Variants in TNKS observed in about 807,000 individuals in gnomAD.
The protein encoded by TNKS is poly [ADP-ribose] polymerase tankyrase-1.
In TNKS, 72 loss-of-function variants were observed where a neutral mutation model predicts 135.8. The ratio of observed to expected loss-of-function variants is 0.53; its 90% CI spans 0.44 to 0.64. The LOEUF is 0.64. Among genes scored for constraint, TNKS ranks in the 30% least tolerant of loss-of-function variants. TNKS has a pLI of 0.00. For missense variants in TNKS, 1,769 were observed against 1,674.0 expected, an observed-to-expected ratio of 1.06 and a Z score of -0.99; for synonymous variants, 849 against 649.3, an observed-to-expected ratio of 1.31 and a Z score of -4.68.
At chr8:9,703,054 T>C (rs752895493) in intron 5 of TNKS, among the ~76,000 whole-genome samples, 3 of 152,098 alleles carry the variant, frequency 2.0e-5, no homozygotes, top group African/African-American at 7.2e-5. Context: ...AATGTGTTTC[T>C]GTATGGGTGA....
rs1365970694 is a variant in TNKS at position 9,747,063 on chromosome 8, G to C, written c.2644-961G>C. Among the ~76,000 whole-genome samples the C allele has an allele frequency of 2.0e-5, 3 of 151,174 alleles. No homozygotes were observed. In the East Asian group the frequency reaches 5.9e-4, roughly 30 times the overall value. The stretch of plus-strand genomic sequence containing the variant: ...ATGCCCAGCTAATTTTTGTATTTTT[G>C]GTAGGGACGGGGTTTCACTATGTTG... On this transcript the variant is annotated intron_variant, in intron 17 of 26. Transcript: ENST00000310430.
intron 20 of TNKS, 52 bp downstream of exon 20, chr8:9,752,678 G>C (rs771007726): frequency 1.6e-6 from 2 of 1,262,142 alleles, no homozygotes; most frequent in African/African-American, 1.5e-5. Context: ...CTAAGATTAG[G>C]CTGGATGCAG....
chr8:9,706,487 C>T lies in TNKS; in HGVS notation c.1269+234C>T, dbSNP rs1367396799. Among the ~76,000 whole-genome samples, 5 of 152,168 alleles carry T rather than the reference C, an allele frequency of 3.3e-5. No homozygotes were observed. In the East Asian group the frequency reaches 9.6e-4, roughly 29 times the overall value. ...CAAGTGATCCTCCCCCTCAGCCTCC[C>T]CAGTAGCTGGGATTACAGGGGTGTG... On this transcript the variant is annotated intron_variant, in intron 7 of 26. Transcript: ENST00000310430.
At chr8:9,720,333 C>A in intron 11 of TNKS, 41 bp from the exon 12 acceptor site, 1 of 1,497,384 alleles carries the variant, frequency 6.7e-7, no homozygotes. Flanking sequence ...GGAAACTAAA[C>A]AAGATGCTCA....
chr8:9,710,348 A>G (rs1264659746), intron 11 of TNKS, 128 bp downstream of exon 11: 2 of 787,760 alleles, frequency 2.5e-6, no homozygotes, highest in Non-Finnish European at 4.3e-6. Flanking sequence ...TCGTACTTAA[A>G]TTCATGGATT....
chr8:9,745,449 G>T (rs1412010890), intron 17 of TNKS, among the ~76,000 whole-genome samples: 1 of 152,056 alleles, frequency 6.6e-6, no homozygotes, highest in Non-Finnish European at 1.5e-5. Context: ...TCTTCACCCA[G>T]GCTGGAAAGC....
In TNKS at chr8:9,615,611, A is replaced by T. The variant is rs1378479695; in HGVS notation, c.928A>T (p.Ile310Phe). 3 of 1,613,712 alleles carry T rather than the reference A, an allele frequency of 1.9e-6. No homozygotes were observed. In the South Asian group the frequency reaches 3.3e-5, roughly 18 times the overall value. The stretch of plus-strand genomic sequence containing the variant: ...GCTGCAGCACGGAGCTGACCCAAAC[A>T]TTCGGAACACTGATGGGAAATCAGC... ...VLLQHGADPN[I>F]RNTDGKSALD... The change falls in exon 3 of 27, where the codon ATT becomes TTT. Residue 310 changes from isoleucine (I) to phenylalanine (F), a missense_variant. Coordinates refer to ENST00000310430, the MANE Select transcript of TNKS (RefSeq NM_003747.3).
intron 24 of TNKS, 90 bp from the exon 25 acceptor site, chr8:9,766,149 A>T: frequency 8.9e-7 from 1 of 1,119,758 alleles, no homozygotes; most frequent in Non-Finnish European, 1.3e-6. Flanking sequence ...TCATTTCTTA[A>T]TATTAACCTG....
chr8:9,730,315 A>C (rs1180156534), intron 13 of TNKS, among the ~76,000 whole-genome samples: 1 of 152,168 alleles, frequency 6.6e-6, no homozygotes, highest in Admixed American at 6.6e-5. Flanking sequence ...TATGATTAAA[A>C]ACCAGTTTAA....
intron 11 of TNKS, among the ~76,000 whole-genome samples, chr8:9,718,575 A>T (rs940712392): frequency 6.6e-6 from 1 of 152,088 alleles, no homozygotes; most frequent in African/African-American, 2.4e-5. Flanking sequence ...TTGTGATTTT[A>T]TATAGTTTTA....
intron 11 of TNKS, among the ~76,000 whole-genome samples, chr8:9,719,513 T>C (rs1452018222): frequency 6.6e-6 from 1 of 152,190 alleles, no homozygotes; most frequent in Admixed American, 6.5e-5. Context: ...TAAATTGACA[T>C]AGATGTTCAG....
chr8:9,666,789 C>T (rs1167854362), intron 3 of TNKS, among the ~76,000 whole-genome samples: 1 of 151,820 alleles, frequency 6.6e-6, no homozygotes, highest in Admixed American at 6.6e-5. Context: ...TGTCCCTGCA[C>T]ATCTCAGTAG....
chr8:9,718,552 G>A (rs1046823330), intron 11 of TNKS, among the ~76,000 whole-genome samples: 2 of 151,988 alleles, frequency 1.3e-5, no homozygotes, highest in South Asian at 2.1e-4. Flanking sequence ...TAAATATTTC[G>A]GGCCAAGTGT....
At chr8:9,713,279 C>G (rs1047617434) in intron 11 of TNKS, among the ~76,000 whole-genome samples, 1 of 152,138 alleles carries the variant, frequency 6.6e-6, no homozygotes, top group Non-Finnish European at 1.5e-5. Flanking sequence ...CACTTAGGAG[C>G]TTTGTACATT....
At chr8:9,618,144 G>A (rs987105287) in intron 3 of TNKS, among the ~76,000 whole-genome samples, 7 of 151,936 alleles carry the variant, frequency 4.6e-5, no homozygotes, top group Admixed American at 3.9e-4. Flanking sequence ...GTGCCGCCAC[G>A]CCTGGCTAAT....
At chr8:9,591,095 C>G (rs746635739) in intron 2 of TNKS, among the ~76,000 whole-genome samples, 2 of 152,208 alleles carry the variant, frequency 1.3e-5, no homozygotes, top group African/African-American at 2.4e-5. Flanking sequence ...GTGAAGGGTC[C>G]AACGTCATGC....
chr8:9,750,968 G>A (rs548781213), intron 18 of TNKS, among the ~76,000 whole-genome samples: 4 of 152,328 alleles, frequency 2.6e-5, no homozygotes, highest in Admixed American at 2.6e-4. Context: ...AGTAGACACT[G>A]CCAATCCACT....
chr8:9,702,374 C>T (rs1181469685), intron 5 of TNKS, among the ~76,000 whole-genome samples: 1 of 152,064 alleles, frequency 6.6e-6, no homozygotes, highest in Non-Finnish European at 1.5e-5. Flanking sequence ...AATCAAATTG[C>T]TTTAAGTCAG....
At chr8:9,740,895 C>G (rs1197142699) in intron 17 of TNKS, 1 of 138,224 alleles carries the variant, frequency 7.2e-6, no homozygotes, top group East Asian at 2.3e-4. Context: ...CTGCAAGCTC[C>G]GCCTCCCGGG....
Sources: gnomAD v4.1 joint callset for allele counts (sites outside exome capture counted in the v4.1 genomes callset) on GRCh38, gnomAD v4.1.1 for gene constraint, MANE v1.5 for transcripts, NCBI Gene and HGNC (gene_info 2026-07-23, HGNC 2026-07-21) for gene names.